The following KIFBP variants were observed in gnomAD, a reference collection of about 807,000 sequenced individuals.
KIFBP encodes the protein KIF-binding protein.
Under a neutral mutation model 58.9 loss-of-function variants are expected in KIFBP, and 46 were observed. The observed-to-expected ratio is 0.78, with a 90% confidence interval of 0.62 to 1.00. The LOEUF (loss-of-function observed/expected upper bound fraction) is 1.00, where lower values mean the gene tolerates loss of function less well. Ranked by LOEUF, KIFBP falls within the 50% of genes least tolerant of loss-of-function variation. The pLI, the probability that KIFBP is intolerant of heterozygous loss-of-function variation, is 0.00. For synonymous variants in KIFBP, 241 were observed against 283.4 expected (o/e 0.85, Z 1.50); for missense variants, 651 against 752.9 (o/e 0.86, Z 1.58).
chr10:69,002,974 G>A (rs2487704), intron 2 of KIFBP, among the ~76,000 whole-genome samples: 11,888 of 148,934 alleles, frequency 0.08, 657 homozygotes, highest in African/African-American at 0.15. Context: ...TTGGGAGGCC[G>A]AGGTGGGAAG....
At position 69,016,722 on chromosome 10, in the gene KIFBP, ATAGAT is replaced by A; in HGVS notation, c.*308_*312del. 3.6e-6 allele frequency: 1 copy of A among 274,278 alleles called. No homozygotes were observed. The highest frequency in any genetic ancestry group is 6.9e-6 in the Non-Finnish European group (1 of 144,940). The allele number at this position is 274,278 out of a possible 1,614,324, so 17.0% of individuals were successfully genotyped here. A position where few individuals can be genotyped will look rare whatever the true frequency, so the allele number is the denominator to read the frequency against. ...TAGACTATTTGTTGGCTAGTACTTG[ATAGAT>A]TCCTTGTAAGAAAAAATGCTGGGTA... On this transcript the variant is annotated 3_prime_UTR_variant, in exon 7 of 7. Coordinates refer to ENST00000361983, the MANE Select transcript of KIFBP (RefSeq NM_015634.4).
At position 68,988,890 on chromosome 10, in the gene KIFBP, T is replaced by C. The variant is rs770113692; in HGVS notation, c.58T>C (p.Ser20Pro). 9 of 1,614,232 alleles carry C rather than the reference T, an allele frequency of 5.6e-6. No individual in the cohort carries two copies. The East Asian group carries it at 2.0e-4, about 36-fold the overall frequency. Residue 20 changes from serine to proline, a missense_variant, in exon 1 of 7, where the codon TCG (serine) becomes CCG (proline). Physicochemically the swap from Ser to Pro is moderately conservative, Grantham distance 74. Coordinates refer to ENST00000361983, the MANE Select transcript of KIFBP (RefSeq NM_015634.4). Reference protein sequence around the residue: ...CEKFQAALALSRVELHKNPEK... With the variant: ...CEKFQAALALPRVELHKNPEK... ...GAAATTCCAGGCGGCGCTCGCTCTGTCGCGGGTGGAACTGCATAAAAATCC... is the reference window on the plus strand; with the variant it reads ...GAAATTCCAGGCGGCGCTCGCTCTGCCGCGGGTGGAACTGCATAAAAATCC...
Position 69,005,844 on chromosome 10 carries a change from G to A in KIFBP, c.718G>A (p.Glu240Lys), listed in dbSNP as rs547582634. 14 of 1,614,030 alleles carry A rather than the reference G, an allele frequency of 8.7e-6. No homozygotes were observed. Among genetic ancestry groups the A allele is most frequent in the Non-Finnish European group, 1.1e-5 (13 of 1,180,026 alleles). ...CCATAGTACACTAAAACGCCAGCTT[G>A]AGCACAATGCCTACCATCCTATAGA... ...YCHSTLKRQL[E>K]HNAYHPIEWA... The change falls in exon 4 of 7, where the codon GAG (glutamate) becomes AAG (lysine). Residue 240 changes from glutamate to lysine, a missense_variant. Transcript: ENST00000361983.
chr10:69,008,408 A>ATATATATATATG (rs1437984960), intron 4 of KIFBP, among the ~76,000 whole-genome samples: 13 of 137,548 alleles, frequency 9.5e-5, no homozygotes, highest in African/African-American at 3.7e-4. Context: ...ATATATATAT[A>ATATATATATATG]TATATATATA....
chr10:69,013,102 G>C (rs1245843947), intron 6 of KIFBP, among the ~76,000 whole-genome samples: 1 of 152,010 alleles, frequency 6.6e-6, no homozygotes, highest in Non-Finnish European at 1.5e-5. Flanking sequence ...TCATGAGAGA[G>C]CTCACTCATT....
chr10:69,009,635 A>G lies in KIFBP; in HGVS notation c.874+710A>G, dbSNP rs147437572. Among the ~76,000 whole-genome samples, 274 of 152,252 alleles carry G rather than the reference A, an allele frequency of 1.8e-3. 2 individuals are homozygous for G. Among genetic ancestry groups the G allele is most frequent in the African/African-American group, 6.3e-3 (261 of 41,540 alleles). On this transcript the variant is annotated intron_variant, in intron 5 of 6. Coordinates refer to ENST00000361983, the MANE Select transcript of KIFBP (RefSeq NM_015634.4). ...GATGTTTCCTTATGCCATGATTCAG[A>G]TGATATATTTTTGGTTGGAATACTA...
At chr10:69,005,639 C>T (rs1205208726) in intron 3 of KIFBP, 93 bp from the exon 4 acceptor site, 2 of 991,406 alleles carry the variant, frequency 2.0e-6, no homozygotes, top group African/African-American at 1.6e-5. Flanking sequence ...TGCCACTGTA[C>T]TCCAGCCTGG....
intron 1 of KIFBP, among the ~76,000 whole-genome samples, chr10:68,993,696 C>G (rs1161918600): frequency 1.3e-5 from 2 of 151,832 alleles, no homozygotes; most frequent in Non-Finnish European, 2.9e-5. Flanking sequence ...TCAAGTGATC[C>G]TCACATCTCG....
chr10:68,993,547 T>A (rs1301481325), intron 1 of KIFBP, among the ~76,000 whole-genome samples: 5 of 152,198 alleles, frequency 3.3e-5, no homozygotes. Context: ...GGACCTGTGA[T>A]TAGTAGCCTG....
intron 1 of KIFBP, among the ~76,000 whole-genome samples, chr10:68,991,879 TG>T (rs1046635766): frequency 7.2e-5 from 11 of 152,334 alleles, no homozygotes; most frequent in Admixed American, 4.6e-4. Flanking sequence ...ATTTATAACA[TG>T]CCTGTACCTT....
intron 2 of KIFBP, 46 bp from the exon 3 acceptor site, chr10:69,005,000 T>C (rs751655999): frequency 4.2e-5 from 58 of 1,390,558 alleles, no homozygotes; most frequent in Non-Finnish European, 5.5e-5. Context: ...GCACTTGGTG[T>C]TTACAGTTTA....
chr10:69,016,248 G>A lies in KIFBP; in HGVS notation c.1698G>A (p.Leu566=), dbSNP rs748701837. The A allele has an allele frequency of 1.7e-5, 27 of 1,599,876 alleles. No individual in the cohort carries two copies. The highest frequency in any genetic ancestry group is 2.1e-5 in the Non-Finnish European group (25 of 1,173,920). The part of the protein sequence containing the change: ...KIITADPKKE[L]ENLATSLEHY... The stretch of plus-strand genomic sequence containing the variant: ...TTACTGCAGATCCCAAGAAAGAGCT[G>A]GAAAATTTGGCAACATCATTGGAAC... Residue 566 remains leucine, a synonymous_variant, in exon 7 of 7, where the codon CTG becomes CTA. Coordinates refer to ENST00000361983, the MANE Select transcript of KIFBP (RefSeq NM_015634.4).
Position 69,000,403 on chromosome 10 carries a change from CTCTTTT to C in KIFBP, c.427-15_427-10del. On this transcript the variant is annotated splice_polypyrimidine_tract_variant and intron_variant, in intron 1 of 6. Transcript: ENST00000361983. The stretch of plus-strand genomic sequence containing the variant: ...GGAAGTCTTATATCATTGTTTGTTT[CTCTTTT>C]TCTTTATTTTCCAGAATAACCTGGG... 6.7e-7 allele frequency: 1 copy of C among 1,493,562 alleles called. No individual in the cohort carries two copies. Among genetic ancestry groups the C allele is most frequent in the Non-Finnish European group, 9.3e-7 (1 of 1,070,898 alleles). The allele number at this position is 1,493,562 out of a possible 1,614,324, so 92.5% of individuals were successfully genotyped here.
chr10:68,997,776 C>T (rs1843422237), intron 1 of KIFBP, among the ~76,000 whole-genome samples: 1 of 152,166 alleles, frequency 6.6e-6, no homozygotes, highest in African/African-American at 2.4e-5. Context: ...ACTCCTTTGA[C>T]CATGACACCA....
rs979278156 is a variant in KIFBP, at chr10:69,009,077, T to C, written c.874+152T>C. 6.1e-6 allele frequency: 4 copies of C among 655,466 alleles called. No homozygotes were observed. In the African/African-American group the frequency reaches 7.3e-5, roughly 12 times the overall value. 40.6% of individuals were successfully genotyped at this position (655,466 alleles called of 1,614,324 possible). ...AGTATTTTCCTCGCTTGGAATCAAA[T>C]TTTATTTTTCTCTCTGAACCATTGG... On this transcript the variant is annotated intron_variant, in intron 5 of 6. Coordinates refer to ENST00000361983, the MANE Select transcript of KIFBP (RefSeq NM_015634.4).
At chr10:69,010,797 G>A in intron 5 of KIFBP, 103 bp from the exon 6 acceptor site, 1 of 772,958 alleles carries the variant, frequency 1.3e-6, no homozygotes, top group South Asian at 1.5e-5. Context: ...GTAAAGATCT[G>A]TTACTTTTAT....
At chr10:69,004,273 C>T (rs1312770400) in intron 2 of KIFBP, among the ~76,000 whole-genome samples, 1 of 150,898 alleles carries the variant, frequency 6.6e-6, no homozygotes, top group Non-Finnish European at 1.5e-5. Flanking sequence ...TAGCTCATGC[C>T]TGTAGTTTCA....
intron 1 of KIFBP, among the ~76,000 whole-genome samples, chr10:68,992,052 G>A (rs1843354433): frequency 6.6e-6 from 1 of 151,326 alleles, no homozygotes; most frequent in African/African-American, 2.4e-5. Context: ...ACATAGCAGT[G>A]GCACCTTCAC....
At chr10:68,990,811 C>T (rs533895598) in intron 1 of KIFBP, among the ~76,000 whole-genome samples, 1 of 151,584 alleles carries the variant, frequency 6.6e-6, no homozygotes, top group African/African-American at 2.4e-5. Flanking sequence ...GACCCTGTCT[C>T]AAAAAGCAAA....
Sources: gnomAD v4.1 joint callset for allele counts (sites outside exome capture counted in the v4.1 genomes callset) on GRCh38, gnomAD v4.1.1 for gene constraint, MANE v1.5 for transcripts, NCBI Gene and HGNC (gene_info 2026-07-23, HGNC 2026-07-21) for gene names.